ASIC2: variants seen among roughly 807,000 people sequenced by gnomAD.
ASIC2 encodes acid-sensing ion channel 2.
In ASIC2, 25 loss-of-function variants were observed where a neutral mutation model predicts 57.3. That is an observed-to-expected ratio of 0.44 (90% CI 0.32 to 0.61). ASIC2 has a LOEUF of 0.61. Ranked by LOEUF, ASIC2 falls within the 20% of genes least tolerant of loss-of-function variation. ASIC2 has a pLI of 0.06. For synonymous variants in ASIC2, 319 were observed against 307.5 expected (o/e 1.04, Z -0.39); for missense variants, 641 against 738.1 (o/e 0.87, Z 1.52).
At chr17:33,024,449 G>GC (rs1311349927) in intron 5 of ASIC2, among the ~76,000 whole-genome samples, 3 of 152,172 alleles carry the variant, frequency 2.0e-5, no homozygotes, top group African/African-American at 7.2e-5. Context: ...CACCTTCTCT[G>GC]CCTGGTGGGT....
chr17:33,465,372 C>CTTTTTT (rs67424466), intron 1 of ASIC2, among the ~76,000 whole-genome samples: 35 of 88,242 alleles, frequency 4.0e-4, no homozygotes, highest in East Asian at 2.2e-3. Flanking sequence ...TTTTCTTTTT[C>CTTTTTT]TTTTTTTTTT....
chr17:34,125,223 G>A (rs937649819), intron 1 of ASIC2, among the ~76,000 whole-genome samples: 2 of 151,980 alleles, frequency 1.3e-5, no homozygotes, highest in African/African-American at 4.8e-5. Flanking sequence ...CCGCTTCACA[G>A]GCCAGCATCC....
chr17:33,143,747 C>A (rs4580239), intron 1 of ASIC2, among the ~76,000 whole-genome samples: 85 of 131,338 alleles, frequency 6.5e-4, no homozygotes, highest in African/African-American at 1.9e-3. Context: ...TCCAAAAAAA[C>A]CCCCATAAAA....
intron 1 of ASIC2, among the ~76,000 whole-genome samples, chr17:33,796,367 C>T (rs1911920216): frequency 6.6e-6 from 1 of 152,080 alleles, no homozygotes; most frequent in Non-Finnish European, 1.5e-5. Flanking sequence ...CCTCAGGATT[C>T]TTGTTTGCTT....
rs56012997 is a variant in ASIC2 at position 33,327,816 on chromosome 17, C to T, written c.556-215749G>A. Among the ~76,000 whole-genome samples the T allele has an allele frequency of 5.1e-3, 772 of 152,212 alleles. 7 individuals carry two copies. The highest frequency in any genetic ancestry group is 6.7e-3 in the Non-Finnish European group (455 of 68,020). ...GATTTGGAAATAGGGCCGTTGCAGA[C>T]GTTATCAAGTTAAGATAAAGTCATA... is the stretch of plus-strand genomic sequence containing the variant. On this transcript the variant is annotated intron_variant, in intron 1 of 9. Transcript: ENST00000359872.
intron 1 of ASIC2, among the ~76,000 whole-genome samples, chr17:34,010,363 G>A (rs541492627): frequency 1.1e-3 from 161 of 152,216 alleles, no homozygotes; most frequent in African/African-American, 3.7e-3. Context: ...AGCCTCTAGT[G>A]GCCTCCCCTT....
At chr17:34,072,882 G>A (rs944982191) in intron 1 of ASIC2, among the ~76,000 whole-genome samples, 1 of 152,168 alleles carries the variant, frequency 6.6e-6, no homozygotes, top group African/African-American at 2.4e-5. Context: ...GGGCTTAGTG[G>A]ATAATTTAAG....
At chr17:33,072,626 C>T (rs913346019) in intron 3 of ASIC2, among the ~76,000 whole-genome samples, 12 of 152,168 alleles carry the variant, frequency 7.9e-5, no homozygotes, top group African/African-American at 2.4e-4. Context: ...AGCCAGGTGA[C>T]GTACGTAGGC....
At chr17:33,343,837 C>G (rs768792949) in intron 1 of ASIC2, among the ~76,000 whole-genome samples, 3 of 152,196 alleles carry the variant, frequency 2.0e-5, no homozygotes, top group African/African-American at 4.8e-5. Flanking sequence ...GATCTCTTCT[C>G]TGTGTGAAAG....
intron 1 of ASIC2, among the ~76,000 whole-genome samples, chr17:33,909,568 G>A (rs544486999): frequency 6.6e-6 from 1 of 152,298 alleles, no homozygotes; most frequent in East Asian, 1.9e-4. Context: ...ACAGGAGAGG[G>A]CTTGAGGGGG....
In ASIC2 at chr17:34,065,538, A is replaced by T. The variant is rs1016938253; in HGVS notation, c.555+90440T>A. On this transcript the variant is annotated intron_variant, in intron 1 of 9. Coordinates refer to the ASIC2 transcript ENST00000359872. The stretch of plus-strand genomic sequence containing the variant: ...TTAAAAAAATAAAACATATTTTTTT[A>T]AAAAAGCAATTTTATCTGTTTCCAA... Among the ~76,000 whole-genome samples the T allele has an allele frequency of 2.6e-5, 4 of 152,300 alleles. 1 individual carries two copies. Among genetic ancestry groups the T allele is most frequent in the Admixed American group, 6.5e-5 (1 of 15,298 alleles).
At chr17:33,218,655 ACT>A (rs1376943432) in intron 1 of ASIC2, among the ~76,000 whole-genome samples, 3 of 151,716 alleles carry the variant, frequency 2.0e-5, no homozygotes, top group South Asian at 2.1e-4. Context: ...CAGGAGCATG[ACT>A]CTATCCTATG....
intron 1 of ASIC2, among the ~76,000 whole-genome samples, chr17:33,460,219 T>A (rs949874458): frequency 5.3e-5 from 8 of 152,132 alleles, no homozygotes; most frequent in African/African-American, 1.9e-4. Context: ...TAGGGATGGG[T>A]TAGATTGGCT....
At chr17:33,810,949 A>G (rs1287988243) in intron 1 of ASIC2, among the ~76,000 whole-genome samples, 4 of 152,094 alleles carry the variant, frequency 2.6e-5, no homozygotes, top group African/African-American at 9.7e-5. Context: ...AAAAAGGGAA[A>G]CAAAAATCAG....
Position 33,909,797 on chromosome 17 carries a change from A to G in ASIC2, c.555+246181T>C, listed in dbSNP as rs576319148. On this transcript the variant is annotated intron_variant, in intron 1 of 9. Coordinates refer to the ASIC2 transcript ENST00000359872. ...CCTCAATTACATCTTTTGAGAGCCT[A>G]TACCCTAATAAGGACATGAACCAAA... Among the ~76,000 whole-genome samples the G allele has an allele frequency of 6.6e-4, 101 of 152,352 alleles. No individual in the cohort carries two copies. The South Asian group carries it at 0.019, about 28-fold the overall frequency.
At chr17:34,027,001 C>A (rs1907400980) in intron 1 of ASIC2, among the ~76,000 whole-genome samples, 1 of 152,010 alleles carries the variant, frequency 6.6e-6, no homozygotes, top group Admixed American at 6.6e-5. Flanking sequence ...ACAAAATTAC[C>A]CAGGAATGTG....
chr17:33,042,002 C>A (rs1297699317), intron 3 of ASIC2, among the ~76,000 whole-genome samples: 1 of 152,192 alleles, frequency 6.6e-6, no homozygotes, highest in Non-Finnish European at 1.5e-5. Flanking sequence ...TTCTGTCTTG[C>A]CCCACCCAGT....
At chr17:33,302,153 A>G (rs1905982587) in intron 1 of ASIC2, among the ~76,000 whole-genome samples, 1 of 152,202 alleles carries the variant, frequency 6.6e-6, no homozygotes, top group Admixed American at 6.5e-5. Context: ...TTTTGGTTGC[A>G]GCATTGGCTG....
At chr17:33,665,923 G>GAA (rs1907458056) in intron 1 of ASIC2, among the ~76,000 whole-genome samples, 1 of 152,158 alleles carries the variant, frequency 6.6e-6, no homozygotes, top group Non-Finnish European at 1.5e-5. Context: ...GGCTGGGTTA[G>GAA]GGGCCCCTTC....
Sources: allele counts gnomAD v4.1 joint callset (sites outside exome capture counted in the v4.1 genomes callset), GRCh38; gene constraint gnomAD v4.1.1; transcripts MANE v1.5; gene names NCBI Gene and HGNC (gene_info 2026-07-23, HGNC 2026-07-21).